The following HEXB variants were observed in gnomAD, a reference collection of about 807,000 sequenced individuals.
HEXB encodes the protein hexosaminidase subunit beta.
In HEXB, 51 loss-of-function variants were observed where a neutral mutation model predicts 71.2. That is an observed-to-expected ratio of 0.72 (90% CI 0.57 to 0.90). The LOEUF (loss-of-function observed/expected upper bound fraction) is 0.90. Among genes scored for constraint, HEXB ranks in the 40% least tolerant of loss-of-function variants. The probability of loss-of-function intolerance (pLI) is 0.00; values close to 1 mark genes in which losing one functional copy is unlikely to be tolerated. For missense variants in HEXB, 617 were observed against 677.0 expected (o/e 0.91, Z 0.98); for synonymous variants, 266 against 249.3 (o/e 1.07, Z -0.63).
intron 1 of HEXB, among the ~76,000 whole-genome samples, chr5:74,661,627 C>T (rs1408486429): frequency 4.7e-5 from 7 of 150,534 alleles, no homozygotes; most frequent in African/African-American, 1.7e-4. Flanking sequence ...AAACTCCTGG[C>T]CTCAAGGGAT....
chr5:74,642,751 G>C (rs1453072694), intron 1 of HEXB, among the ~76,000 whole-genome samples: 1 of 152,088 alleles, frequency 6.6e-6, no homozygotes, highest in African/African-American at 2.4e-5. Context: ...AGAAATTGCG[G>C]GATGTCCTTA....
At chr5:74,647,082 A>C (rs1035848402) in intron 1 of HEXB, among the ~76,000 whole-genome samples, 1 of 152,202 alleles carries the variant, frequency 6.6e-6, no homozygotes, top group Non-Finnish European at 1.5e-5. Context: ...CAGATCTATC[A>C]GAATCACACA....
chr5:74,671,463 C>T (rs1190472390), intron 1 of HEXB, among the ~76,000 whole-genome samples: 1 of 151,170 alleles, frequency 6.6e-6, no homozygotes, highest in Non-Finnish European at 1.5e-5. Flanking sequence ...CTAGAAAATG[C>T]AAACTAACCT....
At chr5:74,663,363 G>C (rs898076964) in intron 1 of HEXB, among the ~76,000 whole-genome samples, 3 of 151,572 alleles carry the variant, frequency 2.0e-5, no homozygotes, top group African/African-American at 7.3e-5. Context: ...GCTAATTTTT[G>C]TATTTTTAGT....
chr5:74,684,676 T>TTC (rs200054372), upstream of HEXB, among the ~76,000 whole-genome samples: 675 of 136,734 alleles, frequency 4.9e-3, 15 homozygotes, highest in African/African-American at 0.017. Context: ...TTTCTTTTCT[T>TTC]TTTTTTTTTT....
intron 5 of HEXB, among the ~76,000 whole-genome samples, chr5:74,697,727 CAAAA>C (rs34363294): frequency 1.8e-5 from 2 of 110,446 alleles, no homozygotes. Context: ...GACTCTGTCT[CAAAA>C]AAAAAAAAAA....
intron 1 of HEXB, among the ~76,000 whole-genome samples, chr5:74,688,525 T>C (rs568760385): frequency 6.6e-6 from 1 of 152,150 alleles, no homozygotes; most frequent in East Asian, 1.9e-4. Context: ...TAGTAGAGAC[T>C]GTGTATTTTT....
chr5:74,698,847 A>G (rs190792576), intron 5 of HEXB, among the ~76,000 whole-genome samples: 1 of 152,294 alleles, frequency 6.6e-6, no homozygotes, highest in Admixed American at 6.5e-5. Context: ...CCAAAGATTG[A>G]CATACATTTT....
chr5:74,682,129 C>T (rs1431218448), upstream of HEXB, among the ~76,000 whole-genome samples: 2 of 152,222 alleles, frequency 1.3e-5, no homozygotes, highest in Non-Finnish European at 1.5e-5. Context: ...GAGGCCGAGA[C>T]GGGCAGATCA....
intron 1 of HEXB, among the ~76,000 whole-genome samples, chr5:74,656,362 C>T (rs962268374): frequency 6.6e-6 from 1 of 151,938 alleles, no homozygotes; most frequent in Non-Finnish European, 1.5e-5. Context: ...ACCTGTAATC[C>T]CAGCTACTCA....
At chr5:74,650,925 C>CAAAAAA (rs34224491) in intron 1 of HEXB, among the ~76,000 whole-genome samples, 11 of 95,502 alleles carry the variant, frequency 1.2e-4, no homozygotes, top group African/African-American at 4.4e-4. Flanking sequence ...GACTCTGTCT[C>CAAAAAA]AAAAAAAAAA....
intron 1 of HEXB, among the ~76,000 whole-genome samples, chr5:74,648,011 G>A (rs552447351): frequency 1.3e-5 from 2 of 152,180 alleles, no homozygotes; most frequent in African/African-American, 2.4e-5. Context: ...AGACAGAGGT[G>A]GTCTAATGGA....
chr5:74,702,210 C>G (rs1161889844), intron 5 of HEXB, among the ~76,000 whole-genome samples: 2 of 147,882 alleles, frequency 1.4e-5, no homozygotes, highest in Non-Finnish European at 3.0e-5. Flanking sequence ...TCCCAAGTAG[C>G]TGGGACTACA....
In HEXB at chr5:74,664,449, A is replaced by G. The variant is rs796724161; in HGVS notation, c.-377+23891A>G. Among the ~76,000 whole-genome samples the G allele has an allele frequency of 2.4e-3, 343 of 143,376 alleles. 2 individuals are homozygous for G. The highest frequency in any genetic ancestry group is 8.1e-3 in the African/African-American group (319 of 39,380). 94.1% of individuals were successfully genotyped at this position (143,376 alleles called of 152,430 possible). A position where few individuals can be genotyped will look rare whatever the true frequency, so the allele number is the denominator to read the frequency against. ...TATCTCTAAAAAAAAAAAAAAAAAA[A>G]AAAACAGAGAGAGAGAGAATACTGA... is the stretch of plus-strand genomic sequence containing the variant. On this transcript the variant is annotated intron_variant, in intron 1 of 13. Transcript: ENST00000511181.
At chr5:74,643,959 A>G (rs1561198366) in intron 1 of HEXB, among the ~76,000 whole-genome samples, 1 of 152,122 alleles carries the variant, frequency 6.6e-6, no homozygotes, top group African/African-American at 2.4e-5. Context: ...TCCTTCCCCG[A>G]GTTATTTGCT....
chr5:74,658,720 T>C (rs1445434289), intron 1 of HEXB, among the ~76,000 whole-genome samples: 1 of 152,174 alleles, frequency 6.6e-6, no homozygotes, highest in Non-Finnish European at 1.5e-5. Context: ...TTTTGGAACC[T>C]TCCTAAACTC....
At chr5:74,664,233 G>A (rs1379854216) in intron 1 of HEXB, among the ~76,000 whole-genome samples, 2 of 149,508 alleles carry the variant, frequency 1.3e-5, no homozygotes, top group Non-Finnish European at 3.0e-5. Flanking sequence ...TCCAGCCTGG[G>A]CAACAAGAGT....
At chr5:74,676,094 G>T (rs909022885) in intron 1 of HEXB, among the ~76,000 whole-genome samples, 5 of 152,214 alleles carry the variant, frequency 3.3e-5, no homozygotes, top group African/African-American at 4.8e-5. Flanking sequence ...GAGCTATAAT[G>T]TGAATGCAAT....
chr5:74,642,044 G>T (rs73113472), intron 1 of HEXB, among the ~76,000 whole-genome samples: 1 of 152,046 alleles, frequency 6.6e-6, no homozygotes, highest in Non-Finnish European at 1.5e-5. Flanking sequence ...GCGCAGGAGC[G>T]ATTTAAACTG....
Sources: gnomAD v4.1 joint callset for allele counts (sites outside exome capture counted in the v4.1 genomes callset) on GRCh38, gnomAD v4.1.1 for gene constraint, MANE v1.5 for transcripts, NCBI Gene and HGNC (gene_info 2026-07-23, HGNC 2026-07-21) for gene names.